Variants in USP8 observed in about 807,000 individuals in gnomAD.
The protein encoded by USP8 is ubiquitin specific peptidase 8.
In USP8, 27 loss-of-function variants were observed where a neutral mutation model predicts 130.0. The observed-to-expected ratio is 0.21, with a 90% confidence interval of 0.15 to 0.29. The LOEUF (loss-of-function observed/expected upper bound fraction) is 0.29. USP8 is among the 10% of genes least tolerant of loss of function. The pLI is 1.00. For missense variants in USP8, 1,029 were observed against 1,312.2 expected, an observed-to-expected ratio of 0.78 and a Z score of 3.33; for synonymous variants, 392 against 444.1, an observed-to-expected ratio of 0.88 and a Z score of 1.48.
At chr15:50,443,324 C>T (rs1451588857) in intron 3 of USP8, among the ~76,000 whole-genome samples, 1 of 152,016 alleles carries the variant, frequency 6.6e-6, no homozygotes, top group East Asian at 1.9e-4. Context: ...CAGGCGTGAT[C>T]CTGTGAGCCA....
intron 7 of USP8, among the ~76,000 whole-genome samples, chr15:50,466,405 C>A (rs553000760): frequency 2.6e-5 from 4 of 152,110 alleles, no homozygotes; most frequent in Non-Finnish European, 5.9e-5. Context: ...TCCAGACCAG[C>A]CTGGCCAACA....
intron 4 of USP8, among the ~76,000 whole-genome samples, chr15:50,453,380 A>G (rs2050685518): frequency 6.6e-6 from 1 of 152,086 alleles, no homozygotes; most frequent in Non-Finnish European, 1.5e-5. Flanking sequence ...ATATTTTCTA[A>G]TTTCCCTTTC....
At chr15:50,433,078 C>G (rs113941806) in intron 1 of USP8, among the ~76,000 whole-genome samples, 1 of 152,086 alleles carries the variant, frequency 6.6e-6, no homozygotes, top group Non-Finnish European at 1.5e-5. Context: ...CCTGTCTCTA[C>G]TAAAATACAA....
Position 50,511,545 on chromosome 15 carries a change from G to A in USP8, c.*12457G>A, listed in dbSNP as rs932876388. The stretch of plus-strand genomic sequence containing the variant: ...AAATGTCCATCACTGGATGGATTAA[G>A]GAAATGTGGTATATCCTATACAATG... On this transcript the variant is annotated 3_prime_UTR_variant, in exon 20 of 20. Transcript: ENST00000307179. 6.6e-6 allele frequency: 1 copy of A among 152,124 alleles called. No individual in the cohort carries two copies. The highest frequency in any genetic ancestry group is 1.5e-5 in the Non-Finnish European group (1 of 68,016). 9.4% of individuals were successfully genotyped at this position (152,124 alleles called of 1,614,324 possible). A position where few individuals can be genotyped will look rare whatever the true frequency, so the allele number is the denominator to read the frequency against.
At position 50,490,280 on chromosome 15, in the gene USP8, T is replaced by C. The variant is rs1379675479; in HGVS notation, c.1989T>C (p.Thr663=). 3.1e-6 allele frequency: 5 copies of C among 1,613,186 alleles called. No individual in the cohort carries two copies. Among genetic ancestry groups the C allele is most frequent in the African/African-American group, 2.7e-5 (2 of 74,836 alleles). Residue 663 remains threonine, a synonymous_variant, in exon 14 of 20, where the codon ACT becomes ACC. Coordinates refer to ENST00000307179, the MANE Select transcript of USP8 (RefSeq NM_005154.5). ...SGWAKFLDPI[T]GTFRYYHSPT... is the part of the protein sequence containing the mutation. ...CATCTAAGTTTCTTGACCCAATCAC[T>C]GGAACCTTTCGTTATTATCATTCAC... is the stretch of plus-strand genomic sequence containing the variant.
At chr15:50,453,146 T>C (rs1193280306) in intron 4 of USP8, among the ~76,000 whole-genome samples, 2 of 152,246 alleles carry the variant, frequency 1.3e-5, no homozygotes, top group Non-Finnish European at 1.5e-5. Flanking sequence ...AAGGTCCTGC[T>C]GGAGATTTGA....
chr15:50,467,699 G>A (rs1009548049), intron 7 of USP8, among the ~76,000 whole-genome samples: 2 of 152,052 alleles, frequency 1.3e-5, no homozygotes, highest in African/African-American at 4.8e-5. Context: ...GGGAATACAG[G>A]CACATGCCAC....
At position 50,492,860 on chromosome 15, in the gene USP8, T is replaced by C; in HGVS notation, c.2394T>C (p.Ala798=). The change falls in exon 15 of 20, where the codon GCT becomes GCC. Residue 798 remains alanine, a synonymous_variant. Transcript: ENST00000307179. ...MNSILQCLCN[A]PHLADYFNRN... ...CAATATTGCAGTGCCTATGTAACGC[T>C]CCACATTTGGCTGATTATTTCAACC... is the stretch of plus-strand genomic sequence containing the variant. The C allele has an allele frequency of 6.2e-7, 1 of 1,614,168 alleles. No individual in the cohort carries two copies. The highest frequency in any genetic ancestry group is 8.5e-7 in the Non-Finnish European group (1 of 1,180,022).
At chr15:50,476,186 A>G (rs1299193052) in intron 8 of USP8, among the ~76,000 whole-genome samples, 1 of 152,176 alleles carries the variant, frequency 6.6e-6, no homozygotes, top group Non-Finnish European at 1.5e-5. Flanking sequence ...AAATCCCAGC[A>G]CTTTGGGCTG....
chr15:50,493,401 A>T (rs546827517), intron 15 of USP8: 9 of 519,250 alleles, frequency 1.7e-5, no homozygotes, highest in African/African-American at 7.7e-5. Context: ...AAACCATAGT[A>T]CTTACCACTC....
At chr15:50,488,540 C>CATCAA (rs1307049515) in intron 12 of USP8, among the ~76,000 whole-genome samples, 1 of 138,048 alleles carries the variant, frequency 7.2e-6, no homozygotes, top group East Asian at 2.4e-4. Flanking sequence ...CATGCCATCA[C>CATCAA]ATCAAGGTTG....
At chr15:50,432,741 C>G (rs916268726) in intron 1 of USP8, among the ~76,000 whole-genome samples, 2 of 152,088 alleles carry the variant, frequency 1.3e-5, no homozygotes, top group Non-Finnish European at 2.9e-5. Context: ...CGAAGCAGTA[C>G]CTAACCTTAC....
rs897240439 is a variant in USP8, at chr15:50,424,428, G to A, written c.-152G>A. ...GTGAGCTGGGCTGGCTTCCGTCCTG[G>A]TAGCCAAGGCTAATTCTCCCTCGAG... On this transcript the variant is annotated 5_prime_UTR_variant, in exon 1 of 20. Transcript: ENST00000307179. 8 of 398,702 alleles carry A rather than the reference G, an allele frequency of 2.0e-5. No homozygotes were observed. The highest frequency in any genetic ancestry group is 1.6e-4 in the African/African-American group (8 of 48,774). The allele number at this position is 398,702 out of a possible 1,614,324, so 24.7% of individuals were successfully genotyped here.
chr15:50,503,761 A>G lies in USP8; in HGVS notation c.*4673A>G, dbSNP rs1292841385. ...TGCCAGAAGGAAACAGAATTTCTAG[A>G]TTGTTGCATGTTAACTCAGACCTAA... On this transcript the variant is annotated 3_prime_UTR_variant, in exon 20 of 20. Transcript: ENST00000307179. 6.6e-6 allele frequency: 1 copy of G among 152,216 alleles called. No individual in the cohort carries two copies. The highest frequency in any genetic ancestry group is 1.5e-5 in the Non-Finnish European group (1 of 68,042). 9.4% of individuals were successfully genotyped at this position (152,216 alleles called of 1,614,324 possible).
At chr15:50,449,957 G>T (rs557547214) in intron 4 of USP8, among the ~76,000 whole-genome samples, 1 of 136,584 alleles carries the variant, frequency 7.3e-6, no homozygotes, top group Non-Finnish European at 1.5e-5. Context: ...GCAGTGGCGC[G>T]ATCTCAGCTC....
At chr15:50,442,614 G>A (rs945704629) in intron 3 of USP8, among the ~76,000 whole-genome samples, 2 of 151,938 alleles carry the variant, frequency 1.3e-5, no homozygotes, top group African/African-American at 2.4e-5. Flanking sequence ...GCGTAGTGGC[G>A]GGCGCCTGTA....
chr15:50,478,233 A>T (rs2051638404), intron 10 of USP8, among the ~76,000 whole-genome samples: 1 of 152,248 alleles, frequency 6.6e-6, no homozygotes, highest in Non-Finnish European at 1.5e-5. Context: ...AGAATTTGAC[A>T]CGCAAATAAC....
At chr15:50,458,176 G>C (rs2141276883) in intron 4 of USP8, among the ~76,000 whole-genome samples, 1 of 152,232 alleles carries the variant, frequency 6.6e-6, no homozygotes, top group South Asian at 2.1e-4. Flanking sequence ...TTTAGAGATG[G>C]AGTCTCACTC....
intron 4 of USP8, among the ~76,000 whole-genome samples, chr15:50,457,858 C>G (rs1024456523): frequency 9.8e-6 from 1 of 102,166 alleles, no homozygotes; most frequent in Non-Finnish European, 1.9e-5. Context: ...AAGACTCTGT[C>G]TCAAAAAAAA....
Sources: gnomAD v4.1 joint callset for allele counts (sites outside exome capture counted in the v4.1 genomes callset) on GRCh38, gnomAD v4.1.1 for gene constraint, MANE v1.5 for transcripts, NCBI Gene and HGNC (gene_info 2026-07-23, HGNC 2026-07-21) for gene names.